Variants in EYS observed in about 807,000 individuals in gnomAD.
EYS encodes protein eyes shut homolog.
A neutral mutation model predicts 282.1 loss-of-function variants in EYS; 250 were observed. The observed-to-expected ratio is 0.89, with a 90% CI of 0.80 to 0.98. The LOEUF is 0.98. Ranked by LOEUF, EYS falls within the 50% of genes least tolerant of loss-of-function variation. The probability of loss-of-function intolerance (pLI) is 0.00; values close to 1 mark genes in which losing one functional copy is unlikely to be tolerated. For missense variants in EYS, 4,016 were observed against 3,709.0 expected (o/e 1.08, Z -2.15); for synonymous variants, 1,355 against 1,282.9 (o/e 1.06, Z -1.20).
chr6:64,420,475 A>G (rs1774195417), intron 28 of EYS, among the ~76,000 whole-genome samples: 1 of 151,606 alleles, frequency 6.6e-6, no homozygotes, highest in South Asian at 2.1e-4. Flanking sequence ...TCTCCCCAGA[A>G]AATGGGTTTT....
At chr6:65,357,590 T>G (rs530920614) in intron 8 of EYS, among the ~76,000 whole-genome samples, 1 of 152,150 alleles carries the variant, frequency 6.6e-6, no homozygotes, top group African/African-American at 2.4e-5. Context: ...CCAGTTGATA[T>G]TCCTAAGGAA....
intron 2 of EYS, among the ~76,000 whole-genome samples, chr6:65,586,220 G>A (rs866462601): frequency 6.6e-6 from 1 of 151,980 alleles, no homozygotes; most frequent in African/African-American, 2.4e-5. Flanking sequence ...AATTTCAGAA[G>A]AGGCTTTTAA....
chr6:64,387,002 T>G (rs953704010), intron 29 of EYS, among the ~76,000 whole-genome samples: 2 of 152,134 alleles, frequency 1.3e-5, no homozygotes, highest in African/African-American at 4.8e-5. Flanking sequence ...CAGCAATATG[T>G]AAATATATAC....
rs2069424510 is a variant in EYS at position 64,306,879 on chromosome 6, C to T, written c.6191+91G>A. The T allele has an allele frequency of 3.3e-5, 23 of 693,702 alleles. No homozygotes were observed. In the South Asian group the frequency reaches 3.7e-4, roughly 11 times the overall value. 43.0% of individuals were successfully genotyped at this position (693,702 alleles called of 1,614,324 possible). On this transcript the variant is annotated intron_variant, in intron 30 of 42. Coordinates refer to ENST00000503581, the MANE Select transcript of EYS (RefSeq NM_001142800.2). ...AAAAACAAAGAAACGAAATATAGTG[C>T]AGCCTTCATTAGATTATTTCAATTG...
At chr6:63,809,103 A>G (rs537055468) in intron 36 of EYS, among the ~76,000 whole-genome samples, 2 of 152,286 alleles carry the variant, frequency 1.3e-5, no homozygotes, top group East Asian at 3.9e-4. Context: ...CTTTGAACCT[A>G]TAAAAAGGTA....
At chr6:65,172,835 A>G (rs535657296) in intron 12 of EYS, among the ~76,000 whole-genome samples, 1 of 151,440 alleles carries the variant, frequency 6.6e-6, no homozygotes, top group African/African-American at 2.4e-5. Context: ...ATAAGAGAAT[A>G]GTATCTTGAG....
At chr6:64,963,814 C>G (rs1188882793) in intron 14 of EYS, among the ~76,000 whole-genome samples, 1 of 152,056 alleles carries the variant, frequency 6.6e-6, no homozygotes, top group African/African-American at 2.4e-5. Flanking sequence ...CAAAAGTTCA[C>G]TGAACAATTA....
At chr6:63,832,314 C>T (rs541240452) in intron 36 of EYS, among the ~76,000 whole-genome samples, 7 of 151,820 alleles carry the variant, frequency 4.6e-5, no homozygotes, top group East Asian at 3.9e-4. Context: ...ATTGATAGAC[C>T]GCTAGCAAGA....
At chr6:65,049,742 C>G (rs1773209622) in intron 13 of EYS, among the ~76,000 whole-genome samples, 1 of 151,638 alleles carries the variant, frequency 6.6e-6, no homozygotes, top group African/African-American at 2.4e-5. Flanking sequence ...GTTAGAGTGT[C>G]AGGAGTACAT....
At chr6:64,633,098 TC>T (rs1475619720) in intron 22 of EYS, among the ~76,000 whole-genome samples, 8 of 152,186 alleles carry the variant, frequency 5.3e-5, no homozygotes, top group Admixed American at 1.3e-4. Flanking sequence ...TTTACTTTTA[TC>T]CTGAGTAATT....
At chr6:63,788,013 G>T in intron 39 of EYS, 92 bp downstream of exon 39, 1 of 948,976 alleles carries the variant, frequency 1.1e-6, no homozygotes, top group South Asian at 2.0e-5. Flanking sequence ...CCATATAGCT[G>T]GTTTGGGAAA....
At chr6:65,200,534 A>C (rs189680474) in intron 12 of EYS, among the ~76,000 whole-genome samples, 4 of 151,674 alleles carry the variant, frequency 2.6e-5, no homozygotes, top group African/African-American at 9.7e-5. Context: ...GGGACTTGTC[A>C]GAGAGACAAA....
At chr6:65,241,629 G>A (rs1767060352) in intron 12 of EYS, among the ~76,000 whole-genome samples, 1 of 151,958 alleles carries the variant, frequency 6.6e-6, no homozygotes, top group Non-Finnish European at 1.5e-5. Context: ...CTCCATCCAT[G>A]ATATATTGTA....
intron 2 of EYS, among the ~76,000 whole-genome samples, chr6:65,532,163 TCAA>T (rs1310306526): frequency 6.6e-6 from 1 of 152,114 alleles, no homozygotes; most frequent in African/African-American, 2.4e-5. Flanking sequence ...ATTATTGAAC[TCAA>T]CTACCTGCTA....
intron 1 of EYS, among the ~76,000 whole-genome samples, chr6:65,647,895 A>G (rs902443282): frequency 5.3e-5 from 8 of 152,160 alleles, no homozygotes; most frequent in Non-Finnish European, 1.0e-4. Context: ...ATCCTCAAAA[A>G]AAGATATACA....
At chr6:65,613,727 AACTGAGTATTG>A (rs1403087316) in intron 2 of EYS, among the ~76,000 whole-genome samples, 8 of 152,016 alleles carry the variant, frequency 5.3e-5, no homozygotes, top group African/African-American at 1.9e-4. Context: ...CAATTCGTTT[AACTGAGTATTG>A]ACTTTTTTCA....
At chr6:63,849,266 C>G (rs1017288426) in intron 36 of EYS, among the ~76,000 whole-genome samples, 1 of 152,188 alleles carries the variant, frequency 6.6e-6, no homozygotes, top group Non-Finnish European at 1.5e-5. Flanking sequence ...CCAGCTTCAG[C>G]ATACTTAAAG....
chr6:64,607,168 G>A (rs1447985591), intron 24 of EYS, among the ~76,000 whole-genome samples: 1 of 151,902 alleles, frequency 6.6e-6, no homozygotes, highest in Non-Finnish European at 1.5e-5. Context: ...ATAGATGCAA[G>A]TTATATTTTC....
intron 12 of EYS, among the ~76,000 whole-genome samples, chr6:65,259,511 T>C (rs1767561847): frequency 6.6e-6 from 1 of 152,118 alleles, no homozygotes. Flanking sequence ...GTTTTTATAC[T>C]TGAATGCAAA....
Sources: gnomAD v4.1 joint callset for allele counts (sites outside exome capture counted in the v4.1 genomes callset) on GRCh38, gnomAD v4.1.1 for gene constraint, MANE v1.5 for transcripts, NCBI Gene and HGNC (gene_info 2026-07-23, HGNC 2026-07-21) for gene names.